GBP6: variants seen among roughly 807,000 people sequenced by gnomAD.
GBP6 encodes guanylate-binding protein 6.
A neutral mutation model predicts 61.5 loss-of-function variants in GBP6; 54 were observed. That is an observed-to-expected ratio of 0.88 (90% CI 0.71 to 1.10). The LOEUF (loss-of-function observed/expected upper bound fraction) is 1.10. Among genes scored for constraint, GBP6 ranks in the 50% least tolerant of loss-of-function variants. The probability of loss-of-function intolerance (pLI) is 0.00; values close to 1 mark genes in which losing one functional copy is unlikely to be tolerated. For synonymous variants in GBP6, 255 were observed against 273.7 expected (o/e 0.93, Z 0.67); for missense variants, 748 against 752.8 (o/e 0.99, Z 0.07).
At position 89,370,040 on chromosome 1, in the gene GBP6, G is replaced by A. The variant is rs536209479; in HGVS notation, c.318+367G>A. Reference sequence around the variant, plus strand: ...GCAGGTTGCTGAGAGGGAGGAGATGGGAATGCAATGCAATCCCTGCCCTCT... The same window carrying A: ...GCAGGTTGCTGAGAGGGAGGAGATGAGAATGCAATGCAATCCCTGCCCTCT... On this transcript the variant is annotated intron_variant, in intron 3 of 10. Transcript: ENST00000370456. Among the ~76,000 whole-genome samples the A allele has an allele frequency of 2.8e-4, 43 of 152,310 alleles. 1 individual carries two copies. The Middle Eastern group carries it at 0.017, about 60-fold the overall frequency.
intron 3 of GBP6, among the ~76,000 whole-genome samples, chr1:89,372,614 T>C (rs1239182751): frequency 1.3e-5 from 2 of 152,106 alleles, no homozygotes; most frequent in Non-Finnish European, 2.9e-5. Context: ...TAGCCATATA[T>C]AGAAAGCTGA....
In GBP6 at chr1:89,380,451, C is replaced by T. The variant is rs374217096; in HGVS notation, c.691C>T (p.Arg231Trp). The change falls in exon 6 of 11, where the codon CGG becomes TGG. Residue 231 changes from arginine (R) to tryptophan (W), a missense_variant. By Grantham distance (101) the Arg-to-Trp change is moderately radical. Coordinates refer to ENST00000370456, the MANE Select transcript of GBP6 (RefSeq NM_198460.3). ...RECIRRFFPK[R>W]KCFVFDRPTN... Reference sequence around the variant, plus strand: ...GTGCATCAGGCGTTTCTTTCCAAAACGGAAGTGTTTCGTCTTTGACCGGCC... The same window carrying T: ...GTGCATCAGGCGTTTCTTTCCAAAATGGAAGTGTTTCGTCTTTGACCGGCC... 167 of 1,613,858 alleles carry T rather than the reference C, an allele frequency of 1.0e-4. No homozygotes were observed. Among genetic ancestry groups the T allele is most frequent in the Middle Eastern group, 1.6e-4 (1 of 6,084 alleles).
At position 89,383,701 on chromosome 1, in the gene GBP6, A is replaced by G. The variant is rs374041390; in HGVS notation, c.1415A>G (p.Glu472Gly). Residue 472 changes from glutamate to glycine, a missense_variant, in exon 9 of 11, where the codon GAA becomes GGA. Coordinates refer to ENST00000370456, the MANE Select transcript of GBP6 (RefSeq NM_198460.3). Reference protein sequence around the residue: ...RFLESQMVIEESILQSDKALT... With the variant: ...RFLESQMVIEGSILQSDKALT... ...CTGGAGTCACAGATGGTGATAGAGG[A>G]ATCCATCTTGCAGTCAGATAAAGCC... The G allele has an allele frequency of 1.1e-5, 17 of 1,612,852 alleles. No individual in the cohort carries two copies. Among genetic ancestry groups the G allele is most frequent in the Non-Finnish European group, 1.4e-5 (17 of 1,179,768 alleles).
At position 89,385,616 on chromosome 1, in the gene GBP6, C is replaced by T. The variant is rs1653122085; in HGVS notation, c.*147C>T. 2.8e-6 allele frequency: 2 copies of T among 707,812 alleles called. No homozygotes were observed. The highest frequency in any genetic ancestry group is 2.8e-5 in the East Asian group (1 of 35,830). 43.8% of individuals were successfully genotyped at this position (707,812 alleles called of 1,614,324 possible). ...TGGTGCAATCTCAGCTCACTGCAAC[C>T]TCTGCCTCCTGGGTTCAAGAGATTC... On this transcript the variant is annotated 3_prime_UTR_variant, in exon 11 of 11. Coordinates refer to ENST00000370456, the MANE Select transcript of GBP6 (RefSeq NM_198460.3).
chr1:89,367,432 G>A (rs905166712), intron 1 of GBP6, among the ~76,000 whole-genome samples: 16 of 152,124 alleles, frequency 1.1e-4, no homozygotes, highest in African/African-American at 3.4e-4. Flanking sequence ...ATGATGTTGA[G>A]CATGTTTTCA....
In GBP6 at chr1:89,380,556, A is replaced by T. The variant is rs1180235688; in HGVS notation, c.796A>T (p.Asn266Tyr). Reference sequence around the variant, plus strand: ...GGATCCCAAATTCCAGGAACAAACAAACATTTTCTGTTCTTACATCTTCAC... The same window carrying T: ...GGATCCCAAATTCCAGGAACAAACATACATTTTCTGTTCTTACATCTTCAC... ...QLDPKFQEQT[N>Y]IFCSYIFTHA... The change falls in exon 6 of 11, where the codon AAC becomes TAC. Residue 266 changes from asparagine to tyrosine, a missense_variant. Transcript: ENST00000370456. The T allele has an allele frequency of 6.2e-7, 1 of 1,613,984 alleles. No homozygotes were observed. Among genetic ancestry groups the T allele is most frequent in the African/African-American group, 1.3e-5 (1 of 74,926 alleles).
chr1:89,364,423 G>A (rs994564616), intron 1 of GBP6, among the ~76,000 whole-genome samples: 6 of 152,182 alleles, frequency 3.9e-5, no homozygotes, highest in African/African-American at 9.7e-5. Context: ...CAGGTCCTGC[G>A]GCAAGCCCCA....
intron 3 of GBP6, among the ~76,000 whole-genome samples, chr1:89,374,140 T>C (rs1477027096): frequency 6.6e-6 from 1 of 152,158 alleles, no homozygotes; most frequent in Non-Finnish European, 1.5e-5. Context: ...TCCTGAGGCC[T>C]CCCTAGCCAT....
intron 3 of GBP6, among the ~76,000 whole-genome samples, chr1:89,371,549 C>G (rs950586980): frequency 6.6e-6 from 1 of 152,116 alleles, no homozygotes. Context: ...AAAAAGAGAA[C>G]CAAACACAAA....
chr1:89,382,642 T>A, intron 7 of GBP6, 22 bp from the exon 8 acceptor site: 2 of 1,594,084 alleles, frequency 1.3e-6, no homozygotes, highest in Non-Finnish European at 8.6e-7. Context: ...TCTGGTGACA[T>A]CTCTCTACAT....
At position 89,382,713 on chromosome 1, in the gene GBP6, C is replaced by A. The variant is rs1653013386; in HGVS notation, c.1202C>A (p.Ser401Ter). Residue 401 changes from serine (S) to a stop codon, truncating the protein, a stop_gained, in exon 8 of 11, where the codon TCA becomes TAA. Coordinates refer to ENST00000370456, the MANE Select transcript of GBP6 (RefSeq NM_198460.3). LOFTEE classifies it high-confidence loss of function. ...GATTTCTTGCTGCAGAATGAAGAGT[C>A]ATCTGTTCAATACTGCCAGGCTAAA... ...KGDFLLQNEESSVQYCQAKLN... is the reference protein window; with the variant it reads ...KGDFLLQNEE 1 of 1,614,124 alleles carries A rather than the reference C, an allele frequency of 6.2e-7. No homozygotes were observed. The highest frequency in any genetic ancestry group is 2.2e-5 in the East Asian group (1 of 44,880).
chr1:89,373,720 T>C (rs182501644), intron 3 of GBP6, among the ~76,000 whole-genome samples: 4,687 of 152,042 alleles, frequency 0.031, 99 homozygotes, highest in Middle Eastern at 0.082. Flanking sequence ...ATGTAAATGA[T>C]GAGTTAATGG....
At chr1:89,364,155 T>C (rs1031924531) in intron 1 of GBP6, 28 bp downstream of exon 1, 3 of 152,260 alleles carry the variant, frequency 2.0e-5, no homozygotes, top group Non-Finnish European at 4.4e-5. Flanking sequence ...TAAATGCAAC[T>C]TAGTTCCTAA....
At position 89,378,210 on chromosome 1, in the gene GBP6, G is replaced by A; in HGVS notation, c.426G>A (p.Leu142=). The A allele has an allele frequency of 6.2e-7, 1 of 1,608,582 alleles. No homozygotes were observed. Among genetic ancestry groups the A allele is most frequent in the Non-Finnish European group, 8.5e-7 (1 of 1,178,728 alleles). The change falls in exon 4 of 11, where the codon CTG becomes CTA. Residue 142 remains leucine (L), a splice_region_variant and synonymous_variant. Coordinates refer to ENST00000370456, the MANE Select transcript of GBP6 (RefSeq NM_198460.3). The stretch of plus-strand genomic sequence containing the variant: ...TCAACCACCAGGCCCTGGAGCAGCT[G>A]CAGTATCCTTCCAGGAACAGAACAG... ...STINHQALEQ[L]HYVTELTELI...
chr1:89,374,105 T>C (rs1263983473), intron 3 of GBP6, among the ~76,000 whole-genome samples: 1 of 152,108 alleles, frequency 6.6e-6, no homozygotes, highest in Non-Finnish European at 1.5e-5. Context: ...TGTGTTTGCT[T>C]CCCCTTCCAC....
At chr1:89,377,136 T>C (rs79122929) in intron 3 of GBP6, among the ~76,000 whole-genome samples, 8,133 of 152,278 alleles carry the variant, frequency 0.053, 431 homozygotes, top group East Asian at 0.26. Context: ...CTTTTTAGGA[T>C]AGAAATAATT....
In GBP6 at chr1:89,387,210, G is replaced by A. The variant is rs1653167691; in HGVS notation, c.*1741G>A. ...GTTCTCCTCCTAGGAAACGTCTGGA[G>A]CCATTTACTAGATATCCATATACTA... On this transcript the variant is annotated 3_prime_UTR_variant, in exon 11 of 11. Transcript: ENST00000370456. Among the ~76,000 whole-genome samples, 1 of 152,186 alleles carries A rather than the reference G, an allele frequency of 6.6e-6. No homozygotes were observed. The highest frequency in any genetic ancestry group is 1.9e-4 in the East Asian group (1 of 5,160).
chr1:89,365,320 A>G (rs1652441150), intron 1 of GBP6, among the ~76,000 whole-genome samples: 1 of 152,238 alleles, frequency 6.6e-6, no homozygotes, highest in South Asian at 2.1e-4. Flanking sequence ...GAGCAGCCAC[A>G]TCTTCCTAGA....
chr1:89,386,826 C>A lies in GBP6; in HGVS notation c.*1357C>A, dbSNP rs1653156564. Among the ~76,000 whole-genome samples, 1 of 152,098 alleles carries A rather than the reference C, an allele frequency of 6.6e-6. No homozygotes were observed. Among genetic ancestry groups the A allele is most frequent in the African/African-American group, 2.4e-5 (1 of 41,414 alleles). On this transcript the variant is annotated 3_prime_UTR_variant, in exon 11 of 11. Transcript: ENST00000370456. ...GACAATGTGCCTTTCCAGAACTGAACCCCCTGATGGGGGATGATAGACCCA... is the reference window on the plus strand; with the variant it reads ...GACAATGTGCCTTTCCAGAACTGAAACCCCTGATGGGGGATGATAGACCCA...
Sources: gnomAD v4.1 joint callset for allele counts (sites outside exome capture counted in the v4.1 genomes callset) on GRCh38, gnomAD v4.1.1 for gene constraint, MANE v1.5 for transcripts, NCBI Gene and HGNC (gene_info 2026-07-23, HGNC 2026-07-21) for gene names.